ALDOA: variants seen among roughly 807,000 people sequenced by gnomAD.
The protein encoded by ALDOA is fructose-bisphosphate aldolase A.
Under a neutral mutation model 43.9 loss-of-function variants are expected in ALDOA, and 26 were observed. The observed-to-expected ratio is 0.59, with a 90% confidence interval of 0.43 to 0.82. The LOEUF (loss-of-function observed/expected upper bound fraction) is 0.82, where lower values mean the gene tolerates loss of function less well. ALDOA is among the 40% of genes least tolerant of loss of function. The pLI, the probability that ALDOA is intolerant of heterozygous loss-of-function variation, is 0.00. For missense variants in ALDOA, 498 were observed against 549.5 expected (o/e 0.91, Z 0.94); for synonymous variants, 258 against 222.6 (o/e 1.16, Z -1.42).
chr16:30,066,567 C>T (rs2072112814), intron 1 of ALDOA, among the ~76,000 whole-genome samples: 1 of 152,222 alleles, frequency 6.6e-6, no homozygotes, highest in Admixed American at 6.5e-5. Context: ...TCCTGGGCTT[C>T]TCCTTGCTCT....
rs34429195 is a variant in ALDOA at position 30,068,742 on chromosome 16, G to A, written c.541+42G>A. The A allele has an allele frequency of 4.5e-3, 7,306 of 1,614,110 alleles. 247 individuals are homozygous for A. In the East Asian group the frequency reaches 0.094, roughly 21 times the overall value. On this transcript the variant is annotated intron_variant, in intron 5 of 9. Transcript: ENST00000642816. The stretch of plus-strand genomic sequence containing the variant: ...TCTCTGCCCTACGAACCCAACCAGA[G>A]CAGGTTTGGGTGCTGGGAGGAGTGG...
chr16:30,068,963 C>T lies in ALDOA; in HGVS notation c.687C>T (p.Ala229=), dbSNP rs1333526782. Residue 229 remains alanine (A), a synonymous_variant, in exon 6 of 10, where the codon GCC becomes GCT. Transcript: ENST00000642816. ...MENANVLARY[A]SICQQNGIVP... ...ATGCCAATGTTCTGGCCCGTTATGC[C>T]AGTATCTGCCAGCAGGTGGGCCTGC... The T allele has an allele frequency of 6.2e-7, 1 of 1,614,238 alleles. No homozygotes were observed. The highest frequency in any genetic ancestry group is 1.7e-5 in the Admixed American group (1 of 60,028).
chr16:30,065,590 T>A (rs2072069744), upstream of ALDOA: 1 of 152,068 alleles, frequency 6.6e-6, no homozygotes, highest in Non-Finnish European at 1.5e-5. Context: ...GGAGGGATCG[T>A]GTTCTCGGCG....
chr16:30,068,411 C>G (rs747393153), intron 4 of ALDOA: 79 of 587,656 alleles, frequency 1.3e-4, no homozygotes, highest in Non-Finnish European at 2.2e-4. Flanking sequence ...TATTTGCCAG[C>G]CCTGAGATGC....
chr16:30,069,057 G>C, intron 6 of ALDOA, 79 bp downstream of exon 6: 1 of 1,594,298 alleles, frequency 6.3e-7, no homozygotes, highest in Admixed American at 1.7e-5. Context: ...TACCTGCCAT[G>C]ATGCCTACCT....
rs1447465072 is a variant in ALDOA, at chr16:30,067,569, ATCC to A, written c.397_399del (p.Leu133del). On this transcript the variant is annotated inframe_deletion, in exon 4 of 10. Transcript: ENST00000642816. ...CGTGAACCCCTGCATTGGGGGTGTC[ATCC>A]TCTTCCATGAGACACTCTACCAGAA... 1 of 1,613,904 alleles carries A rather than the reference ATCC, an allele frequency of 6.2e-7. No homozygotes were observed. Among genetic ancestry groups the A allele is most frequent in the South Asian group, 1.1e-5 (1 of 91,082 alleles).
chr16:30,065,460 A>G (rs2072064695), upstream of ALDOA, among the ~76,000 whole-genome samples: 1 of 151,928 alleles, frequency 6.6e-6, no homozygotes, highest in Admixed American at 6.5e-5. Context: ...GCCCTCCCCC[A>G]TTGCCAACAT....
At chr16:30,064,282 A>T (rs2072030827), upstream of ALDOA, 5 of 393,956 alleles carry the variant, frequency 1.3e-5, no homozygotes, top group East Asian at 1.1e-4. Flanking sequence ...TCTCCTTCTT[A>T]AAAAAAACCA....
intron 2 of ALDOA, 26 bp downstream of exon 2, chr16:30,067,064 A>G (rs1369344183): frequency 6.4e-7 from 1 of 1,574,592 alleles, no homozygotes; most frequent in Non-Finnish European, 8.6e-7. Flanking sequence ...TAGCAAAGGG[A>G]AGTTGGGCGT....
upstream of ALDOA, chr16:30,064,930 G>A (rs2072047391): frequency 6.3e-6 from 1 of 159,494 alleles, no homozygotes; most frequent in Admixed American, 6.5e-5. Flanking sequence ...TTCGGGGACG[G>A]ATTTTCTTTT....
chr16:30,069,978 G>A lies in ALDOA; in HGVS notation c.1110G>A (p.Gly370=), dbSNP rs747670144. 3.1e-6 allele frequency: 5 copies of A among 1,613,860 alleles called. No individual in the cohort carries two copies. The highest frequency in any genetic ancestry group is 4.2e-6 in the Non-Finnish European group (5 of 1,179,978). The change falls in exon 9 of 10, where the codon GGG becomes GGA. Residue 370 remains glycine (G), a synonymous_variant. Coordinates refer to ENST00000642816, the MANE Select transcript of ALDOA (RefSeq NM_001243177.4). The stretch of plus-strand genomic sequence containing the variant: ...CCTCTGCCCTGAAGGCCTGGGGCGG[G>A]AAGAAGGAGAACCTGAAGGCTGCGC... ...LQASALKAWG[G]KKENLKAAQE... is the part of the protein sequence containing the mutation.
chr16:30,064,533 C>A (rs2072036807), upstream of ALDOA: 1 of 398,710 alleles, frequency 2.5e-6, no homozygotes, highest in Non-Finnish European at 4.4e-6. Flanking sequence ...CCCTCCCCAT[C>A]AATAGGGCCG....
Position 30,067,545 on chromosome 16 carries a change from G to A in ALDOA, c.370G>A (p.Val124Met), listed in dbSNP as rs1278401366. ...RQLLLTADDR[V>M]NPCIGGVILF... ...GCTGCTGCTGACAGCTGACGACCGC[G>A]TGAACCCCTGCATTGGGGGTGTCAT... Residue 124 changes from valine to methionine, a missense_variant, in exon 4 of 10, where the codon GTG becomes ATG. By Grantham distance (21) the Val-to-Met change is conservative. Transcript: ENST00000642816. 45 of 1,613,814 alleles carry A rather than the reference G, an allele frequency of 2.8e-5. No homozygotes were observed. Among genetic ancestry groups the A allele is most frequent in the Non-Finnish European group, 3.6e-5 (43 of 1,180,024 alleles).
chr16:30,065,365 G>C (rs931725928), upstream of ALDOA, among the ~76,000 whole-genome samples: 5 of 152,106 alleles, frequency 3.3e-5, no homozygotes, highest in African/African-American at 4.8e-5. Context: ...GGGCGGCCCC[G>C]GGCCGCGCGC....
In ALDOA at chr16:30,067,280, C is replaced by A; in HGVS notation, c.188C>A (p.Thr63Asn). 6.2e-7 allele frequency: 1 copy of A among 1,612,516 alleles called. No homozygotes were observed. Among genetic ancestry groups the A allele is most frequent in the Non-Finnish European group, 8.5e-7 (1 of 1,180,006 alleles). Residue 63 changes from threonine to asparagine, a missense_variant, in exon 3 of 10, where the codon ACC becomes AAC. Thr to Asn is a moderately conservative substitution (Grantham distance 65). Transcript: ENST00000642816. ...STMPYQYPALTPEQKKELSDI... is the reference protein window; with the variant it reads ...STMPYQYPALNPEQKKELSDI... Reference sequence around the variant, plus strand: ...ATGCCCTACCAATATCCAGCACTGACCCCGGAGCAGAAGAAGGAGCTGTCT... The same window carrying A: ...ATGCCCTACCAATATCCAGCACTGAACCCGGAGCAGAAGAAGGAGCTGTCT...
intron 1 of ALDOA, among the ~76,000 whole-genome samples, chr16:30,066,596 C>T (rs543906637): frequency 1.2e-4 from 19 of 152,306 alleles, no homozygotes; most frequent in Admixed American, 2.6e-4. Context: ...TTTCCTAATG[C>T]CCCTTTCCTA....
rs977114557 is a variant in ALDOA at position 30,070,394 on chromosome 16, TAAAC to T, written c.*184_*187del. 31 of 633,742 alleles carry T rather than the reference TAAAC, an allele frequency of 4.9e-5. No homozygotes were observed. Among genetic ancestry groups the T allele is most frequent in the Non-Finnish European group, 8.2e-5 (29 of 353,802 alleles). 39.3% of individuals were successfully genotyped at this position (633,742 alleles called of 1,614,324 possible). A position where few individuals can be genotyped will look rare whatever the true frequency, so the allele number is the denominator to read the frequency against. ...TCACCCTTTCCGGCACACTGCCAAA[TAAAC>T]AGCTATTTAAGGGGGAGTCGGCCGT... On this transcript the variant is annotated 3_prime_UTR_variant, in exon 10 of 10. Transcript: ENST00000642816.
intron 6 of ALDOA, 22 bp from the exon 7 acceptor site, chr16:30,069,284 G>C (rs1283533838): frequency 1.9e-6 from 3 of 1,613,892 alleles, no homozygotes. Flanking sequence ...GCCTCACAGT[G>C]ACCCTGTCCC....
Position 30,066,948 on chromosome 16 carries a change from C to T in ALDOA, c.51C>T (p.Ser17=). 6.4e-7 allele frequency: 1 copy of T among 1,551,244 alleles called. No individual in the cohort carries two copies. Among genetic ancestry groups the T allele is most frequent in the Non-Finnish European group, 8.7e-7 (1 of 1,147,358 alleles). ...CCAGCTTCAACATGACCCACCTGTCCATGGCTATGGCCTTTTCCTTTCCCC... is the reference window on the plus strand; with the variant it reads ...CCAGCTTCAACATGACCCACCTGTCTATGGCTATGGCCTTTTCCTTTCCCC... ...EGSSFNMTHL[S]MAMAFSFPPV... Residue 17 remains serine (S), a synonymous_variant, in exon 2 of 10, where the codon TCC becomes TCT. Transcript: ENST00000642816.
Sources: allele counts gnomAD v4.1 joint callset (sites outside exome capture counted in the v4.1 genomes callset), GRCh38; gene constraint gnomAD v4.1.1; transcripts MANE v1.5; gene names NCBI Gene and HGNC (gene_info 2026-07-23, HGNC 2026-07-21).